Variants in CRISPLD2 observed in about 807,000 individuals in gnomAD.
The protein encoded by CRISPLD2 is cysteine-rich secretory protein LCCL domain-containing 2.
CRISPLD2 carries 47 observed loss-of-function variants against 71.1 expected under a neutral mutation model. That is an observed-to-expected ratio of 0.66 (90% confidence interval 0.52 to 0.84). CRISPLD2 has a LOEUF of 0.84. CRISPLD2 is among the 40% of genes least tolerant of loss of function. The pLI, the probability that CRISPLD2 is intolerant of heterozygous loss-of-function variation, is 0.00. For synonymous variants in CRISPLD2, 317 were observed against 250.1 expected (o/e 1.27, Z -2.52); for missense variants, 830 against 651.1 (o/e 1.27, Z -2.99).
chr16:84,871,543 TTTTG>T (rs1465282144), intron 8 of CRISPLD2, among the ~76,000 whole-genome samples: 2 of 151,332 alleles, frequency 1.3e-5, no homozygotes, highest in Non-Finnish European at 2.9e-5. Context: ...TTTCTTGGGG[TTTTG>T]TTTGTTTGTT....
intron 1 of CRISPLD2, among the ~76,000 whole-genome samples, chr16:84,831,042 G>A (rs145728230): frequency 3.3e-5 from 5 of 152,148 alleles, no homozygotes; most frequent in Admixed American, 2.0e-4. Flanking sequence ...CCACTGTTCC[G>A]GCCCTTGAGA....
chr16:84,901,046 CAAAAA>C (rs367812875), intron 14 of CRISPLD2, among the ~76,000 whole-genome samples: 1 of 128,274 alleles, frequency 7.8e-6, no homozygotes, highest in Non-Finnish European at 1.7e-5. Context: ...CACACACACG[CAAAAA>C]AAAAAAGATT....
chr16:84,874,869 T>C (rs2071504234), intron 11 of CRISPLD2, among the ~76,000 whole-genome samples: 1 of 152,216 alleles, frequency 6.6e-6, no homozygotes, highest in South Asian at 2.1e-4. Context: ...GTATGTACAT[T>C]GGTAATATAT....
intron 1 of CRISPLD2, among the ~76,000 whole-genome samples, chr16:84,826,534 G>A (rs11645545): frequency 0.28 from 42,723 of 152,172 alleles, 7,655 homozygotes; most frequent in Non-Finnish European, 0.37. Flanking sequence ...TATGATGTGT[G>A]TCCATCTTCC....
intron 14 of CRISPLD2, among the ~76,000 whole-genome samples, chr16:84,900,583 G>A (rs1292594028): frequency 6.6e-6 from 1 of 151,512 alleles, no homozygotes; most frequent in East Asian, 1.9e-4. Flanking sequence ...CAGCCCCGTT[G>A]TCATTGTCCG....
At chr16:84,839,428 C>G (rs1916713633) in intron 2 of CRISPLD2, 1 of 170,908 alleles carries the variant, frequency 5.9e-6, no homozygotes, top group Admixed American at 5.7e-5. Flanking sequence ...TCACTTTCCA[C>G]TTGGAGAGTC....
chr16:84,860,467 AAG>A (rs1917349381), intron 6 of CRISPLD2, among the ~76,000 whole-genome samples: 1 of 152,166 alleles, frequency 6.6e-6, no homozygotes, highest in South Asian at 2.1e-4. Flanking sequence ...ATAGGTCTAG[AAG>A]CAAACAGGGA....
chr16:84,869,054 A>T (rs536512352), intron 8 of CRISPLD2, 143 bp downstream of exon 8: 1 of 684,048 alleles, frequency 1.5e-6, no homozygotes, highest in East Asian at 3.0e-5. Context: ...AACAGGGGTT[A>T]GGGCTGGGCA....
At chr16:84,856,339 C>T (rs1403770019) in intron 6 of CRISPLD2, among the ~76,000 whole-genome samples, 2 of 152,208 alleles carry the variant, frequency 1.3e-5, no homozygotes, top group Non-Finnish European at 2.9e-5. Context: ...TGATCCATGT[C>T]ACTCACCCCA....
chr16:84,877,943 G>A (rs1051689187), intron 12 of CRISPLD2, among the ~76,000 whole-genome samples: 4 of 151,700 alleles, frequency 2.6e-5, no homozygotes, highest in African/African-American at 9.7e-5. Flanking sequence ...GGGCACGGTG[G>A]CTCACGCCTG....
intron 6 of CRISPLD2, among the ~76,000 whole-genome samples, chr16:84,857,931 G>T (rs984795909): frequency 2.6e-5 from 4 of 152,152 alleles, no homozygotes; most frequent in African/African-American, 7.2e-5. Flanking sequence ...CCGCTTTATG[G>T]CTCGATGGGT....
Position 84,890,315 on chromosome 16 carries a change from C to T in CRISPLD2, c.1439+952C>T, listed in dbSNP as rs138775520. Among the ~76,000 whole-genome samples, 657 of 150,806 alleles carry T rather than the reference C, an allele frequency of 4.4e-3. 9 individuals carry two copies. The highest frequency in any genetic ancestry group is 0.015 in the African/African-American group (623 of 40,758). On this transcript the variant is annotated intron_variant, in intron 14 of 14. Coordinates refer to ENST00000262424, the MANE Select transcript of CRISPLD2 (RefSeq NM_031476.4). ...CGGAGCTTGCAGTGAGCTGAGATCG[C>T]GCCACCGCACTCCAGCCTGGGCGAC...
intron 13 of CRISPLD2, among the ~76,000 whole-genome samples, chr16:84,887,737 G>A (rs1465530332): frequency 3.9e-5 from 6 of 152,156 alleles, no homozygotes; most frequent in African/African-American, 9.7e-5. Flanking sequence ...TTAGCCAGAC[G>A]TGGTGGTGCG....
chr16:84,851,262 G>A (rs1917081923), intron 5 of CRISPLD2, among the ~76,000 whole-genome samples: 1 of 152,196 alleles, frequency 6.6e-6, no homozygotes, highest in Non-Finnish European at 1.5e-5. Flanking sequence ...TCCACATGCG[G>A]CCTCCTGATC....
At chr16:84,832,146 C>T (rs1401316055) in intron 1 of CRISPLD2, among the ~76,000 whole-genome samples, 1 of 152,234 alleles carries the variant, frequency 6.6e-6, no homozygotes, top group Non-Finnish European at 1.5e-5. Flanking sequence ...TTCTAAAATC[C>T]CTTCAAACGA....
intron 12 of CRISPLD2, among the ~76,000 whole-genome samples, chr16:84,877,717 G>A (rs1285102145): frequency 1.3e-5 from 2 of 152,040 alleles, no homozygotes. Context: ...AGCCATGGCG[G>A]TGGGTGCCTG....
chr16:84,850,836 C>G (rs557562820), intron 5 of CRISPLD2, among the ~76,000 whole-genome samples, 153 bp downstream of exon 5: 6 of 152,136 alleles, frequency 3.9e-5, no homozygotes, highest in Non-Finnish European at 7.3e-5. Context: ...AGCGTAATAG[C>G]TAAGCAGTGT....
chr16:84,833,479 G>A (rs890671699), intron 1 of CRISPLD2, among the ~76,000 whole-genome samples: 1 of 152,208 alleles, frequency 6.6e-6, no homozygotes, highest in South Asian at 2.1e-4. Context: ...GGATGCAGGG[G>A]CATCTCTCTA....
At chr16:84,854,645 A>AAGGCC (rs1479702095) in intron 5 of CRISPLD2, 84 bp from the exon 6 acceptor site, 11 of 942,676 alleles carry the variant, frequency 1.2e-5, no homozygotes, top group Admixed American at 8.7e-5. Flanking sequence ...GTGTTCAGGG[A>AAGGCC]CTCACGTGGG....
Sources: gnomAD v4.1 joint callset for allele counts (sites outside exome capture counted in the v4.1 genomes callset) on GRCh38, gnomAD v4.1.1 for gene constraint, MANE v1.5 for transcripts, NCBI Gene and HGNC (gene_info 2026-07-23, HGNC 2026-07-21) for gene names.